The following PCDHA5 variants were observed in gnomAD, a reference collection of about 807,000 sequenced individuals.
PCDHA5 encodes the protein protocadherin alpha-5.
PCDHA5 carries 43 observed loss-of-function variants against 61.6 expected under a neutral mutation model. The observed-to-expected ratio is 0.70, with a 90% CI of 0.55 to 0.90. PCDHA5 has a LOEUF of 0.90. Among genes scored for constraint, PCDHA5 ranks in the 40% least tolerant of loss-of-function variants. PCDHA5 has a pLI of 0.00. For synonymous variants in PCDHA5, 627 were observed against 543.9 expected, an observed-to-expected ratio of 1.15 and a Z score of -2.13; for missense variants, 1,298 against 1,222.7, an observed-to-expected ratio of 1.06 and a Z score of -0.92.
chr5:140,930,084 A>T (rs1350674790), intron 1 of PCDHA5: 2 of 152,142 alleles, frequency 1.3e-5, no homozygotes, highest in Non-Finnish European at 2.9e-5. Flanking sequence ...CTCTCATAAC[A>T]TCTATTTATA....
chr5:140,969,393 C>T, intron 1 of PCDHA5: 1 of 1,590,146 alleles, frequency 6.3e-7, no homozygotes. Flanking sequence ...CCCCCAATAT[C>T]CTGTGATTTG....
At chr5:140,909,505 G>A (rs2074548695) in intron 1 of PCDHA5, among the ~76,000 whole-genome samples, 1 of 152,168 alleles carries the variant, frequency 6.6e-6, no homozygotes. Flanking sequence ...GGATGTGGTG[G>A]GAATCACAAC....
chr5:140,829,682 C>T (rs1770489810), intron 1 of PCDHA5: 1 of 1,613,140 alleles, frequency 6.2e-7, no homozygotes, highest in Admixed American at 1.7e-5. Flanking sequence ...GCTAGAGCTG[C>T]TGCAGTTTCA....
Position 140,841,862 on chromosome 5 carries a change from G to C in PCDHA5, c.2352+17735G>C, listed in dbSNP as rs145069696. 3.2e-4 allele frequency: 514 copies of C among 1,613,850 alleles called. 1 individual carries two copies. The highest frequency in any genetic ancestry group is 2.6e-3 in the Middle Eastern group (16 of 6,062). On this transcript the variant is annotated intron_variant, in intron 1 of 3. Transcript: ENST00000529859. ...TAGCTCTCATGATTACTTCATGCTA[G>C]ATGTGAATTCAAAGAACGATGAGAA...
chr5:140,898,548 T>C (rs1445483717), intron 1 of PCDHA5, among the ~76,000 whole-genome samples: 2 of 152,252 alleles, frequency 1.3e-5, no homozygotes, highest in Non-Finnish European at 2.9e-5. Context: ...CATTTATCTA[T>C]GTCTCTGTTT....
chr5:140,832,765 T>C (rs2150203921), intron 1 of PCDHA5, among the ~76,000 whole-genome samples: 1 of 152,268 alleles, frequency 6.6e-6, no homozygotes, highest in East Asian at 1.9e-4. Context: ...GCAAGAATAT[T>C]GTAAGAGGTG....
intron 3 of PCDHA5, among the ~76,000 whole-genome samples, chr5:140,992,500 A>C (rs1205902091): frequency 6.6e-6 from 1 of 152,222 alleles, no homozygotes; most frequent in Non-Finnish European, 1.5e-5. Context: ...GTAAGGATTC[A>C]ATCCTGGGGC....
At position 140,850,378 on chromosome 5, in the gene PCDHA5, C is replaced by T. The variant is rs1365314674; in HGVS notation, c.2352+26251C>T. On this transcript the variant is annotated intron_variant, in intron 1 of 3. Coordinates refer to ENST00000529859, the MANE Select transcript of PCDHA5 (RefSeq NM_018908.3). ...ATCCCGTTCCGCGTGGGGCTGTACA[C>T]GGGCGAGATCAGCACAACGCGTGCC... 6 of 1,597,842 alleles carry T rather than the reference C, an allele frequency of 3.8e-6. 1 individual carries two copies. Among genetic ancestry groups the T allele is most frequent in the Non-Finnish European group, 5.1e-6 (6 of 1,167,692 alleles).
At chr5:140,861,474 G>A in intron 1 of PCDHA5, 1 of 493,958 alleles carries the variant, frequency 2.0e-6, no homozygotes, top group East Asian at 5.8e-5. Context: ...TCTGCAGAAT[G>A]GCATTTTTGT....
chr5:140,979,110 C>A, intron 2 of PCDHA5, 103 bp downstream of exon 2: 1 of 1,515,726 alleles, frequency 6.6e-7, no homozygotes, highest in East Asian at 2.3e-5. Flanking sequence ...AACTAAAAAG[C>A]TTTAGGTACT....
chr5:140,852,582 A>AT (rs2150518947), intron 1 of PCDHA5: 69,093 of 668,182 alleles, frequency 0.1, 1,214 homozygotes, highest in Non-Finnish European at 0.11. Flanking sequence ...AGGCTTTTTT[A>AT]TTTTTTTTTT....
In PCDHA5 at chr5:140,968,743, C is replaced by G. The variant is rs112674082; in HGVS notation, c.2353-10206C>G. Reference sequence around the variant, plus strand: ...AGAGTGGTAGCACTTTCAACCTGACCGTGGTGGTCCGAGATAATGGAGAGC... The same window carrying G: ...AGAGTGGTAGCACTTTCAACCTGACGGTGGTGGTCCGAGATAATGGAGAGC... On this transcript the variant is annotated intron_variant, in intron 1 of 3. Transcript: ENST00000529859. 10 of 1,614,060 alleles carry G rather than the reference C, an allele frequency of 6.2e-6. No homozygotes were observed. The South Asian group carries it at 9.9e-5, about 16-fold the overall frequency.
At chr5:140,900,425 G>T (rs577250354) in intron 1 of PCDHA5, among the ~76,000 whole-genome samples, 1 of 152,236 alleles carries the variant, frequency 6.6e-6, no homozygotes, top group African/African-American at 2.4e-5. Context: ...TTATAGGCAC[G>T]TGCCACCACG....
Position 140,836,500 on chromosome 5 carries a change from C to A in PCDHA5, c.2352+12373C>A, listed in dbSNP as rs2150262394. 99 of 1,613,882 alleles carry A rather than the reference C, an allele frequency of 6.1e-5. No individual in the cohort carries two copies. The highest frequency in any genetic ancestry group is 8.1e-5 in the Non-Finnish European group (95 of 1,179,878). Reference sequence around the variant, plus strand: ...GTGTACCTGATCATCGCCATCTGCGCGGTGTCCAGTCTGTTGGTGCTTACC... The same window carrying A: ...GTGTACCTGATCATCGCCATCTGCGAGGTGTCCAGTCTGTTGGTGCTTACC... On this transcript the variant is annotated intron_variant, in intron 1 of 3. Transcript: ENST00000529859.
intron 1 of PCDHA5, chr5:140,842,083 C>G: frequency 6.2e-7 from 1 of 1,613,822 alleles, no homozygotes; most frequent in Non-Finnish European, 8.5e-7. Flanking sequence ...TATTCGAAAA[C>G]GCAGACAACG....
intron 1 of PCDHA5, chr5:140,876,536 T>C (rs782148318): frequency 1.2e-6 from 2 of 1,614,238 alleles, no homozygotes; most frequent in Non-Finnish European, 1.7e-6. Context: ...GTTACTTCAC[T>C]GTCGCTCCCT....
chr5:140,828,344 T>C (rs1769704236), intron 1 of PCDHA5: 1 of 1,614,208 alleles, frequency 6.2e-7, no homozygotes, highest in East Asian at 2.2e-5. Context: ...TGGCATTTTG[T>C]TTGTGAATTC....
chr5:140,877,434 C>T, intron 1 of PCDHA5: 1 of 1,613,804 alleles, frequency 6.2e-7, no homozygotes, highest in South Asian at 1.1e-5. Flanking sequence ...TGAAGGACCA[C>T]GGTGAGCCCG....
intron 1 of PCDHA5, chr5:140,871,155 C>A (rs782509939): frequency 3.0e-5 from 48 of 1,613,366 alleles, no homozygotes; most frequent in Non-Finnish European, 3.9e-5. Context: ...CTTTGGCGGG[C>A]GCCGCGAGCC....
Sources: allele counts gnomAD v4.1 joint callset (sites outside exome capture counted in the v4.1 genomes callset), GRCh38; gene constraint gnomAD v4.1.1; transcripts MANE v1.5; gene names NCBI Gene and HGNC (gene_info 2026-07-23, HGNC 2026-07-21).